The following PPM1E variants were observed in gnomAD, a reference collection of about 807,000 sequenced individuals.
The protein encoded by PPM1E is protein phosphatase, Mg2+/Mn2+ dependent 1E, also known as protein phosphatase 1E.
A neutral mutation model predicts 65.9 loss-of-function variants in PPM1E; 20 were observed. The observed-to-expected ratio is 0.30, with a 90% CI of 0.21 to 0.44. The LOEUF (loss-of-function observed/expected upper bound fraction) is 0.44. Ranked by LOEUF, PPM1E falls within the 20% of genes least tolerant of loss-of-function variation. The pLI, the probability that PPM1E is intolerant of heterozygous loss-of-function variation, is 1.00. For synonymous variants in PPM1E, 352 were observed against 374.9 expected (o/e 0.94, Z 0.70); for missense variants, 713 against 953.1 (o/e 0.75, Z 3.32).
intron 1 of PPM1E, among the ~76,000 whole-genome samples, chr17:58,838,053 A>G (rs992002161): frequency 9.9e-5 from 15 of 152,264 alleles, no homozygotes; most frequent in African/African-American, 3.6e-4. Flanking sequence ...CTAACTTAAA[A>G]TAGATCATAC....
chr17:58,778,207 A>G (rs2050012480), intron 1 of PPM1E, among the ~76,000 whole-genome samples: 1 of 151,704 alleles, frequency 6.6e-6, no homozygotes, highest in Non-Finnish European at 1.5e-5. Context: ...TCAAACAATT[A>G]TCCTGCCTCA....
rs77852547 is a variant in PPM1E, at chr17:58,956,163, G to A, written c.583+396G>A. The stretch of plus-strand genomic sequence containing the variant: ...TTTAAAAATCCAAGTTAGGCCAGGC[G>A]CAGTGGCTCACACCCGTAATCCCAG... On this transcript the variant is annotated intron_variant, in intron 2 of 6. Transcript: ENST00000308249. Among the ~76,000 whole-genome samples the A allele has an allele frequency of 9.6e-3, 1,460 of 152,212 alleles. 15 individuals are homozygous for A. The highest frequency in any genetic ancestry group is 0.015 in the Non-Finnish European group (997 of 68,000).
intron 1 of PPM1E, among the ~76,000 whole-genome samples, chr17:58,937,264 T>TC (rs1260409221): frequency 2.2e-5 from 3 of 138,246 alleles, no homozygotes; most frequent in Admixed American, 7.2e-5. Flanking sequence ...GGCCTGTCTC[T>TC]TTTTTTTTTT....
At chr17:58,790,299 A>G (rs898327089) in intron 1 of PPM1E, among the ~76,000 whole-genome samples, 5 of 152,090 alleles carry the variant, frequency 3.3e-5, no homozygotes, top group African/African-American at 1.2e-4. Flanking sequence ...TCTGGCCTCA[A>G]GCAATCCACC....
At position 58,980,270 on chromosome 17, in the gene PPM1E, T is replaced by C; in HGVS notation, c.1507T>C (p.Trp503Arg). 6.2e-7 allele frequency: 1 copy of C among 1,614,168 alleles called. No homozygotes were observed. Among genetic ancestry groups the C allele is most frequent in the Non-Finnish European group, 8.5e-7 (1 of 1,180,016 alleles). ...TGTAAATGTTAGTGAGGAATCAGAT[T>C]GGACAGAGAACTCTTTTCAAGGAGG... ...KAVNVSEESD[W>R]TENSFQGGQE... Residue 503 changes from tryptophan (W) to arginine (R), a missense_variant, in exon 7 of 7, where the codon TGG becomes CGG. By Grantham distance (101) the Trp-to-Arg change is moderately radical. This residue lies in a region of PPM1E where 286 missense variants were observed against 313.8 expected (regional missense o/e 0.91). Coordinates refer to ENST00000308249, the MANE Select transcript of PPM1E (RefSeq NM_014906.5). This position sits in a 1 kb window ranked among gnomAD's most constrained non-coding sequence, Gnocchi z 4.7.
At chr17:58,776,063 A>G (rs969190678) in intron 1 of PPM1E, among the ~76,000 whole-genome samples, 1 of 151,826 alleles carries the variant, frequency 6.6e-6, no homozygotes, top group South Asian at 2.1e-4. Flanking sequence ...AAGGCCAGAC[A>G]TGGTGGCTCA....
intron 1 of PPM1E, among the ~76,000 whole-genome samples, chr17:58,819,180 C>G (rs1187133914): frequency 6.6e-6 from 1 of 152,160 alleles, no homozygotes; most frequent in Non-Finnish European, 1.5e-5. Flanking sequence ...CAGTCTCACT[C>G]TGTCACCCAG....
At chr17:58,899,109 T>A (rs1393188016) in intron 1 of PPM1E, among the ~76,000 whole-genome samples, 1 of 151,740 alleles carries the variant, frequency 6.6e-6, no homozygotes, top group African/African-American at 2.4e-5. Flanking sequence ...TATACATATA[T>A]AACAAACCTG....
chr17:58,867,885 AC>A (rs955879529), intron 1 of PPM1E, among the ~76,000 whole-genome samples: 43 of 152,258 alleles, frequency 2.8e-4, no homozygotes, highest in Non-Finnish European at 4.0e-4. Flanking sequence ...CCTCTAGGGA[AC>A]CTAACTGAAA....
chr17:58,812,303 CAAAAAAAAA>C (rs35132799), intron 1 of PPM1E, among the ~76,000 whole-genome samples: 10 of 49,770 alleles, frequency 2.0e-4, no homozygotes, highest in African/African-American at 4.6e-4. Flanking sequence ...GACTCTGTTT[CAAAAAAAAA>C]AAAAAAAAAA....
At chr17:58,830,991 T>C (rs1376995422) in intron 1 of PPM1E, among the ~76,000 whole-genome samples, 1 of 145,806 alleles carries the variant, frequency 6.9e-6, no homozygotes, top group Non-Finnish European at 1.5e-5. Context: ...GACCTGTATG[T>C]GACTTACTTT....
chr17:58,882,460 G>A (rs2051206978), intron 1 of PPM1E, among the ~76,000 whole-genome samples: 1 of 151,652 alleles, frequency 6.6e-6, no homozygotes, highest in African/African-American at 2.4e-5. Context: ...GTGCCATCCC[G>A]GCTCACTGCA....
intron 1 of PPM1E, among the ~76,000 whole-genome samples, chr17:58,927,365 CAT>C (rs2051836645): frequency 6.6e-6 from 1 of 151,892 alleles, no homozygotes; most frequent in Non-Finnish European, 1.5e-5. Context: ...TCTCCTGCCT[CAT>C]GATCTGCCCG....
rs2050422207 is a variant in PPM1E, at chr17:58,816,765, TA to T, written c.464+60305del. Reference sequence around the variant, plus strand: ...AAATATATATATATATATATATATATATATATATATATATATATATATATAT... The same window carrying T: ...AAATATATATATATATATATATATATTATATATATATATATATATATATAT... On this transcript the variant is annotated intron_variant, in intron 1 of 6. Transcript: ENST00000308249. Among the ~76,000 whole-genome samples the T allele has an allele frequency of 9.6e-4, 13 of 13,534 alleles. 1 individual carries two copies. The highest frequency in any genetic ancestry group is 1.8e-3 in the Non-Finnish European group (11 of 6,024). 8.9% of individuals were successfully genotyped at this position (13,534 alleles called of 152,430 possible).
intron 1 of PPM1E, among the ~76,000 whole-genome samples, chr17:58,792,402 G>A (rs2050164772): frequency 6.6e-6 from 1 of 151,504 alleles, no homozygotes; most frequent in Non-Finnish European, 1.5e-5. Context: ...GTGCAATGGT[G>A]TGATCTTGGC....
chr17:58,801,735 T>G (rs1173210215), intron 1 of PPM1E, among the ~76,000 whole-genome samples: 2 of 151,768 alleles, frequency 1.3e-5, no homozygotes, highest in Non-Finnish European at 2.9e-5. Flanking sequence ...GCCACCACGC[T>G]CGGCTCCCCT....
At chr17:58,900,578 A>G (rs2051486802) in intron 1 of PPM1E, among the ~76,000 whole-genome samples, 1 of 152,230 alleles carries the variant, frequency 6.6e-6, no homozygotes, top group Non-Finnish European at 1.5e-5. Flanking sequence ...GCCCTGGGAA[A>G]CAAAAAATTT....
intron 1 of PPM1E, among the ~76,000 whole-genome samples, chr17:58,806,160 C>T (rs1336118554): frequency 1.3e-5 from 2 of 151,694 alleles, no homozygotes; most frequent in African/African-American, 4.8e-5. Context: ...AATAAGCAAA[C>T]AAACATCTGG....
chr17:58,962,518 A>C (rs1276079606), intron 2 of PPM1E, among the ~76,000 whole-genome samples: 1 of 152,150 alleles, frequency 6.6e-6, no homozygotes, highest in Non-Finnish European at 1.5e-5. Context: ...ATGTCAGATG[A>C]GGACACATCC....
Sources: gnomAD v4.1 joint callset for allele counts (sites outside exome capture counted in the v4.1 genomes callset) on GRCh38, gnomAD v4.1.1 for gene constraint, gnomAD v4.1.1 regional missense constraint, Gnocchi (gnomAD v3.1) non-coding constraint, MANE v1.5 for transcripts, NCBI Gene and HGNC (gene_info 2026-07-23, HGNC 2026-07-21) for gene names.